The following SORCS2 variants were observed in gnomAD, a reference collection of about 807,000 sequenced individuals.
The protein encoded by SORCS2 is VPS10 domain-containing receptor SorCS2.
In SORCS2, 100 loss-of-function variants were observed where a neutral mutation model predicts 141.6. That is an observed-to-expected ratio of 0.71 (90% CI 0.60 to 0.83). SORCS2 has a LOEUF of 0.83. Ranked by LOEUF, SORCS2 falls within the 40% of genes least tolerant of loss-of-function variation. The pLI is 0.00. For missense variants in SORCS2, 1,646 were observed against 1,560.2 expected (o/e 1.05, Z -0.93); for synonymous variants, 789 against 676.9 (o/e 1.17, Z -2.57).
chr4:7,536,652 T>C (rs1453690548), intron 3 of SORCS2, among the ~76,000 whole-genome samples: 6 of 152,186 alleles, frequency 3.9e-5, no homozygotes, highest in African/African-American at 1.4e-4. Context: ...AAGGATGTGA[T>C]GGGCTGGGCT....
Position 7,193,683 on chromosome 4 carries a change from C to T in SORCS2, c.480+557C>T, listed in dbSNP as rs781665516. On this transcript the variant is annotated intron_variant, in intron 1 of 26. Coordinates refer to ENST00000507866, the MANE Select transcript of SORCS2 (RefSeq NM_020777.3). This position sits in a 1 kb window ranked among gnomAD's most constrained non-coding sequence, Gnocchi z 4.8. ...CTCCCCGGGGTACTCTAGTGCGACC[C>T]GCGGCTGTCTTGAGCTCTTGCTGCC... 5.3e-5 allele frequency among the ~76,000 whole-genome samples: 8 copies of T among 152,182 alleles called. No individual in the cohort carries two copies. The highest frequency in any genetic ancestry group is 7.4e-5 in the Non-Finnish European group (5 of 68,026).
chr4:7,704,086 C>T (rs1241585220), intron 13 of SORCS2, 91 bp from the exon 14 acceptor site: 17 of 1,163,336 alleles, frequency 1.5e-5, no homozygotes, highest in Non-Finnish European at 2.0e-5. Flanking sequence ...AGTGCAGCCT[C>T]CGCCCCTCCA....
intron 1 of SORCS2, among the ~76,000 whole-genome samples, chr4:7,339,392 G>A (rs1447291332): frequency 1.3e-5 from 2 of 152,240 alleles, no homozygotes; most frequent in Non-Finnish European, 2.9e-5. Flanking sequence ...GCGTAACAAA[G>A]TACCACGGGC....
intron 1 of SORCS2, among the ~76,000 whole-genome samples, chr4:7,308,251 C>T (rs1049320465): frequency 2.0e-5 from 3 of 152,180 alleles, no homozygotes; most frequent in South Asian, 2.1e-4. Flanking sequence ...GGTCAGTGCC[C>T]GGTGGGGCCT....
intron 1 of SORCS2, among the ~76,000 whole-genome samples, chr4:7,254,852 C>T (rs1713743010): frequency 6.6e-6 from 1 of 152,098 alleles, no homozygotes; most frequent in Admixed American, 6.5e-5. Context: ...TCTCCATGCA[C>T]ACAGCCCCCG....
In SORCS2 at chr4:7,381,082, C is replaced by CAAAAA. The variant is rs397745880; in HGVS notation, c.481-15194_481-15190dup. ...GGGTGATAGAGCAAGACTCTGTCTC[C>CAAAAA]AAAAAAAAAAAAAAAAGGAGTGGGT... On this transcript the variant is annotated intron_variant, in intron 1 of 26. Transcript: ENST00000507866. Among the ~76,000 whole-genome samples, 81 of 103,998 alleles carry CAAAAA rather than the reference C, an allele frequency of 7.8e-4. 2 individuals carry two copies. Among genetic ancestry groups the CAAAAA allele is most frequent in the Non-Finnish European group, 1.2e-3 (63 of 51,352 alleles). The allele number at this position is 103,998 out of a possible 152,430, so 68.2% of individuals were successfully genotyped here.
At position 7,676,059 on chromosome 4, in the gene SORCS2, A is replaced by G; in HGVS notation, c.1171A>G (p.Ile391Val). 6.3e-7 allele frequency: 1 copy of G among 1,583,666 alleles called. No homozygotes were observed. The highest frequency in any genetic ancestry group is 8.6e-7 in the Non-Finnish European group (1 of 1,163,974). Residue 391 changes from isoleucine (I) to valine (V), a missense_variant, in exon 9 of 27, where the codon ATC becomes GTC. Coordinates refer to ENST00000507866, the MANE Select transcript of SORCS2 (RefSeq NM_020777.3). ...CTGCACATCCCCACAGGATCTGCAG[A>G]TCATCAGCACGGACGAGAGTCAGGT... ...PKYALPKDLQIISTDESQVFV... is the reference protein window; with the variant it reads ...PKYALPKDLQVISTDESQVFV...
At chr4:7,315,993 T>A (rs1456511711) in intron 1 of SORCS2, among the ~76,000 whole-genome samples, 1 of 150,042 alleles carries the variant, frequency 6.7e-6, no homozygotes, top group Non-Finnish European at 1.5e-5. Flanking sequence ...ATCCATCCAT[T>A]CATATATTCA....
intron 16 of SORCS2, 31 bp from the exon 17 acceptor site, chr4:7,715,152 G>A (rs549047099): frequency 2.1e-5 from 34 of 1,609,182 alleles, no homozygotes; most frequent in Admixed American, 6.7e-5. Flanking sequence ...ACCTGTGCCC[G>A]TCACTTACCA....
At chr4:7,357,206 G>A (rs1014334004) in intron 1 of SORCS2, among the ~76,000 whole-genome samples, 1 of 152,194 alleles carries the variant, frequency 6.6e-6, no homozygotes, top group Admixed American at 6.5e-5. Flanking sequence ...TCTGATGCCT[G>A]CCCCGGGGAC....
Position 7,515,953 on chromosome 4 carries a change from A to G in SORCS2, c.549-15577A>G, listed in dbSNP as rs182549661. 5.9e-4 allele frequency among the ~76,000 whole-genome samples: 90 copies of G among 152,292 alleles called. No individual in the cohort carries two copies. In the East Asian group the frequency reaches 0.012, roughly 20 times the overall value. The stretch of plus-strand genomic sequence containing the variant: ...TGTCCTCACTCATGGGAGGGGTCCA[A>G]TGGAGGCCCAGAAGTCTCAAGGGTG... On this transcript the variant is annotated intron_variant, in intron 2 of 26. Coordinates refer to ENST00000507866, the MANE Select transcript of SORCS2 (RefSeq NM_020777.3).
At chr4:7,632,816 G>A (rs1719984093) in intron 3 of SORCS2, among the ~76,000 whole-genome samples, 1 of 152,142 alleles carries the variant, frequency 6.6e-6, no homozygotes, top group South Asian at 2.1e-4. Context: ...GACCCACCAA[G>A]AGGACCCTAG....
intron 3 of SORCS2, 81 bp from the exon 4 acceptor site, chr4:7,638,247 G>C (rs73202520): frequency 0.12 from 167,487 of 1,448,122 alleles, 10,799 homozygotes; most frequent in Middle Eastern, 0.15. Context: ...AGGCGCACCT[G>C]GCCCAGGCCT....
chr4:7,718,127 G>C lies in SORCS2; in HGVS notation c.2368G>C (p.Glu790Gln). The part of the protein sequence containing the change: ...PRGLQVSIQG[E>Q]AVAVRPGEDV... ...GGGCCTGCAGGTCAGCATTCAAGGC[G>C]AGGCGGTGGCCGTGCGGCCTGGAGA... Residue 790 changes from glutamate to glutamine, a missense_variant, in exon 18 of 27, where the codon GAG (glutamate) becomes CAG (glutamine). Physicochemically the swap from Glu to Gln is conservative, Grantham distance 29. Coordinates refer to ENST00000507866, the MANE Select transcript of SORCS2 (RefSeq NM_020777.3). The C allele has an allele frequency of 1.9e-6, 3 of 1,612,170 alleles. No individual in the cohort carries two copies. Among genetic ancestry groups the C allele is most frequent in the Non-Finnish European group, 2.5e-6 (3 of 1,179,374 alleles).
intron 1 of SORCS2, among the ~76,000 whole-genome samples, chr4:7,211,451 G>A (rs1302811594): frequency 6.6e-6 from 1 of 152,110 alleles, no homozygotes; most frequent in Non-Finnish European, 1.5e-5. Context: ...GTGCAGTGGC[G>A]CGATCTCCGC....
At chr4:7,337,399 G>A (rs957796388) in intron 1 of SORCS2, among the ~76,000 whole-genome samples, 5 of 152,168 alleles carry the variant, frequency 3.3e-5, no homozygotes, top group Non-Finnish European at 7.3e-5. Flanking sequence ...GAAGGTGCCC[G>A]CACTGGATCA....
At chr4:7,631,687 G>A (rs1229470679) in intron 3 of SORCS2, among the ~76,000 whole-genome samples, 2 of 152,118 alleles carry the variant, frequency 1.3e-5, no homozygotes, top group Non-Finnish European at 2.9e-5. Flanking sequence ...CCTATCCCGG[G>A]GGGTCCACAC....
intron 2 of SORCS2, among the ~76,000 whole-genome samples, chr4:7,470,102 G>C (rs1029468175): frequency 1.3e-5 from 2 of 152,082 alleles, no homozygotes; most frequent in Non-Finnish European, 2.9e-5. Context: ...ATGAGGAAAG[G>C]GGGCCCAGAT....
chr4:7,284,726 C>G (rs1199910442), intron 1 of SORCS2, among the ~76,000 whole-genome samples: 1 of 152,152 alleles, frequency 6.6e-6, no homozygotes, highest in Non-Finnish European at 1.5e-5. Flanking sequence ...TGGCTCCTGC[C>G]CACCATAACA....
Sources: gnomAD v4.1 joint callset for allele counts (sites outside exome capture counted in the v4.1 genomes callset) on GRCh38, gnomAD v4.1.1 for gene constraint, Gnocchi (gnomAD v3.1) non-coding constraint, MANE v1.5 for transcripts, NCBI Gene and HGNC (gene_info 2026-07-23, HGNC 2026-07-21) for gene names.